Variants in MAMLD1 observed in about 807,000 individuals in gnomAD.
MAMLD1 encodes the protein mastermind like domain containing 1.
MAMLD1 carries 14 observed loss-of-function variants against 45.0 expected under a neutral mutation model. The ratio of observed to expected loss-of-function variants is 0.31; its 90% CI spans 0.21 to 0.49. The LOEUF is 0.49. Among genes scored for constraint, MAMLD1 ranks in the 20% least tolerant of loss-of-function variants. The pLI, the probability that MAMLD1 is intolerant of heterozygous loss-of-function variation, is 0.99. For synonymous variants in MAMLD1, 254 were observed against 247.8 expected, an observed-to-expected ratio of 1.02 and a Z score of -0.24; for missense variants, 543 against 603.6, an observed-to-expected ratio of 0.90 and a Z score of 1.05.
chrX:150,373,483 CA>C (rs2032141745), intron 1 of MAMLD1, among the ~76,000 whole-genome samples: 4 of 111,248 alleles, frequency 3.6e-5, no homozygotes, highest in Non-Finnish European at 5.7e-5. Flanking sequence ...CACACACACA[CA>C]CACACAGGTA....
At chrX:150,510,094 T>C in intron 7 of MAMLD1, 48 bp downstream of exon 7, 2 of 835,281 alleles carry the variant, frequency 2.4e-6, no homozygotes, top group East Asian at 3.1e-5. Context: ...AAGGGGTGCA[T>C]ATGTGGAAGT....
chrX:150,371,176 C>A (rs782483486), intron 1 of MAMLD1, among the ~76,000 whole-genome samples: 1 of 111,599 alleles, frequency 9.0e-6, no homozygotes, highest in Non-Finnish European at 1.9e-5. Flanking sequence ...GCCTCCCAGA[C>A]CCCCATTTCC....
intron 1 of MAMLD1, among the ~76,000 whole-genome samples, chrX:150,382,655 A>C (rs1414302495): frequency 9.0e-6 from 1 of 111,515 alleles, no homozygotes; most frequent in Non-Finnish European, 1.9e-5. Flanking sequence ...TTATGAGCAC[A>C]AAAAAGGTGT....
intron 1 of MAMLD1, among the ~76,000 whole-genome samples, chrX:150,393,203 T>A (rs2033264860): frequency 8.9e-6 from 1 of 112,025 alleles, no homozygotes; most frequent in African/African-American, 3.2e-5. Context: ...ATACGGTATG[T>A]AGCCTTTTCA....
chrX:150,512,622 G>A lies in MAMLD1; in HGVS notation c.*663G>A, dbSNP rs1557409243. On this transcript the variant is annotated 3_prime_UTR_variant, in exon 8 of 8. Coordinates refer to ENST00000370401, the MANE Select transcript of MAMLD1 (RefSeq NM_005491.5). ...AGCTTCAGCCTGCTGGGCAGCCAGA[G>A]CCTCAGGCAGAGCCCGGTACAGGGC... The A allele has an allele frequency of 8.7e-7, 1 of 1,150,523 alleles. No homozygotes were observed. The highest frequency in any genetic ancestry group is 2.6e-5 in the Admixed American group (1 of 38,551). 94.8% of individuals were successfully genotyped at this position (1,150,523 alleles called of 1,213,427 possible).
chrX:150,483,860 G>A (rs1327087028), intron 5 of MAMLD1, among the ~76,000 whole-genome samples: 2 of 112,343 alleles, frequency 1.8e-5, no homozygotes, highest in Non-Finnish European at 3.8e-5. Context: ...AGCTTCACAT[G>A]GTAAGAAAAG....
intron 6 of MAMLD1, 143 bp from the exon 7 acceptor site, chrX:150,509,819 G>A: frequency 3.9e-6 from 2 of 515,339 alleles, no homozygotes; most frequent in Non-Finnish European, 3.5e-6. Flanking sequence ...AGAGGGTGGG[G>A]CATGCATGCG....
intron 1 of MAMLD1, among the ~76,000 whole-genome samples, chrX:150,384,783 A>G (rs1419079993): frequency 1.8e-5 from 2 of 111,936 alleles, no homozygotes; most frequent in African/African-American, 6.5e-5. Context: ...GAGTTTTTAA[A>G]TTTTAAAATG....
chrX:150,432,382 T>C (rs1046853283), intron 1 of MAMLD1, among the ~76,000 whole-genome samples: 1 of 112,180 alleles, frequency 8.9e-6, no homozygotes, highest in African/African-American at 3.2e-5. Context: ...TTCACACTGT[T>C]GATAGTTTCT....
intron 1 of MAMLD1, among the ~76,000 whole-genome samples, chrX:150,392,479 C>T (rs933548907): frequency 1.8e-5 from 2 of 111,086 alleles, no homozygotes; most frequent in Non-Finnish European, 3.8e-5. Context: ...AGACTCAACT[C>T]CCCTCCTGAC....
chrX:150,428,877 T>C (rs782784532), intron 1 of MAMLD1, among the ~76,000 whole-genome samples: 7 of 111,897 alleles, frequency 6.3e-5, no homozygotes, highest in Non-Finnish European at 1.3e-4. Flanking sequence ...TAGGAAGTTT[T>C]GGCCACTACC....
chrX:150,493,491 A>G (rs1557408057), intron 5 of MAMLD1, among the ~76,000 whole-genome samples: 2 of 112,010 alleles, frequency 1.8e-5, no homozygotes, highest in Non-Finnish European at 3.8e-5. Flanking sequence ...GGAAGAGTAT[A>G]TAAAACATAT....
chrX:150,507,467 G>A (rs1346618888), intron 6 of MAMLD1, among the ~76,000 whole-genome samples: 1 of 111,916 alleles, frequency 8.9e-6, no homozygotes, highest in Non-Finnish European at 1.9e-5. Flanking sequence ...CCTTTGGCCA[G>A]GGACAGCAGG....
In MAMLD1 at chrX:150,442,585, T is replaced by C. The variant is rs782820695; in HGVS notation, c.-63-2869T>C. Reference sequence around the variant, plus strand: ...CTCTCCTTTCACCCCTTTACTTTCCTCTATTTATAATGTAATTGTGTTAAA... The same window carrying C: ...CTCTCCTTTCACCCCTTTACTTTCCCCTATTTATAATGTAATTGTGTTAAA... On this transcript the variant is annotated intron_variant, in intron 1 of 7. Transcript: ENST00000370401. Among the ~76,000 whole-genome samples the C allele has an allele frequency of 4.5e-5, 5 of 111,751 alleles. No homozygotes were observed. The South Asian group carries it at 1.9e-3, about 42-fold the overall frequency.
At chrX:150,478,110 C>A (rs2036638508) in intron 5 of MAMLD1, among the ~76,000 whole-genome samples, 1 of 112,260 alleles carries the variant, frequency 8.9e-6, no homozygotes, top group African/African-American at 3.2e-5. Flanking sequence ...TAGGGCATAA[C>A]CTTTAATTAC....
At chrX:150,367,869 T>C (rs1165329964) in intron 1 of MAMLD1, among the ~76,000 whole-genome samples, 7 of 111,734 alleles carry the variant, frequency 6.3e-5, no homozygotes, top group African/African-American at 2.3e-4. Context: ...TTCATCCATG[T>C]CCCTACAAAG....
intron 1 of MAMLD1, among the ~76,000 whole-genome samples, chrX:150,417,516 C>T (rs9988344): frequency 0.052 from 5,640 of 109,484 alleles, 472 homozygotes; most frequent in African/African-American, 0.18. Flanking sequence ...GTCCTTTGGG[C>T]ATATACCCAG....
chrX:150,404,066 A>AAGGAAGGAAG (rs2033939269), intron 1 of MAMLD1, among the ~76,000 whole-genome samples: 1 of 66,973 alleles, frequency 1.5e-5, no homozygotes, highest in African/African-American at 9.5e-5. Context: ...AAGGAAGGAA[A>AAGGAAGGAAG]GGAGGGAGGG....
rs146950750 is a variant in MAMLD1, at chrX:150,493,725, A to G, written c.2041-9549A>G. Among the ~76,000 whole-genome samples the G allele has an allele frequency of 4.9e-3, 543 of 111,580 alleles. 14 individuals carry two copies. The East Asian group carries it at 0.093, about 19-fold the overall frequency. ...TCTCTTTAGGTAGTATTCTGTGCGGATTTCCACAGATGGCTCATCTGTTTT... is the reference window on the plus strand; with the variant it reads ...TCTCTTTAGGTAGTATTCTGTGCGGGTTTCCACAGATGGCTCATCTGTTTT... On this transcript the variant is annotated intron_variant, in intron 5 of 7. Transcript: ENST00000370401.
Sources: gnomAD v4.1 joint callset for allele counts (sites outside exome capture counted in the v4.1 genomes callset) on GRCh38, gnomAD v4.1.1 for gene constraint, MANE v1.5 for transcripts, NCBI Gene and HGNC (gene_info 2026-07-23, HGNC 2026-07-21) for gene names.